Variants in KCNN2 observed in about 807,000 individuals in gnomAD.
KCNN2 encodes the protein potassium calcium-activated channel subfamily N member 2.
KCNN2 carries 24 observed loss-of-function variants against 55.5 expected under a neutral mutation model. The observed-to-expected ratio is 0.43, with a 90% confidence interval of 0.31 to 0.61. The LOEUF (loss-of-function observed/expected upper bound fraction) is 0.61. KCNN2 is among the 20% of genes least tolerant of loss of function. The pLI is 0.08. For missense variants in KCNN2, 754 were observed against 853.6 expected (o/e 0.88, Z 1.45); for synonymous variants, 431 against 336.1 (o/e 1.28, Z -3.09).
intron 2 of KCNN2, among the ~76,000 whole-genome samples, chr5:114,350,332 TAA>T (rs958246444): frequency 5.9e-5 from 9 of 151,730 alleles, no homozygotes; most frequent in African/African-American, 2.2e-4. Flanking sequence ...AATTGAGTTA[TAA>T]GAGTTCTTTA....
chr5:114,084,383 G>T (rs1750967938), intron 1 of KCNN2, among the ~76,000 whole-genome samples: 1 of 151,892 alleles, frequency 6.6e-6, no homozygotes, highest in African/African-American at 2.4e-5. Flanking sequence ...CATACGTTAT[G>T]GTATTTCACT....
chr5:114,218,556 A>C (rs1274798956), intron 1 of KCNN2, among the ~76,000 whole-genome samples: 2 of 152,214 alleles, frequency 1.3e-5, no homozygotes, highest in Non-Finnish European at 2.9e-5. Context: ...TGTAGACAGC[A>C]AAAAGGTCAG....
chr5:114,074,513 A>G (rs1750646311), intron 1 of KCNN2, among the ~76,000 whole-genome samples: 1 of 152,192 alleles, frequency 6.6e-6, no homozygotes. Flanking sequence ...ATCACTGCCA[A>G]TAGTGGACCT....
At chr5:114,241,708 A>ACG (rs1754625252) in intron 2 of KCNN2, among the ~76,000 whole-genome samples, 1 of 123,218 alleles carries the variant, frequency 8.1e-6, no homozygotes, top group Non-Finnish European at 1.7e-5. Context: ...ATATGTGGAT[A>ACG]TATATATATA....
chr5:114,084,386 A>G (rs1346468583), intron 1 of KCNN2, among the ~76,000 whole-genome samples: 1 of 151,996 alleles, frequency 6.6e-6, no homozygotes, highest in Non-Finnish European at 1.5e-5. Context: ...ACGTTATGGT[A>G]TTTCACTGTT....
intron 1 of KCNN2, among the ~76,000 whole-genome samples, chr5:114,164,697 G>A (rs186775102): frequency 5.9e-5 from 9 of 152,158 alleles, no homozygotes; most frequent in East Asian, 3.9e-4. Context: ...TTGCAAATGC[G>A]CATTTTGGAT....
At chr5:114,279,661 C>T (rs1252678056) in intron 2 of KCNN2, among the ~76,000 whole-genome samples, 1 of 152,118 alleles carries the variant, frequency 6.6e-6, no homozygotes, top group East Asian at 1.9e-4. Context: ...AGTATTGCAT[C>T]GTATATATGT....
intron 1 of KCNN2, among the ~76,000 whole-genome samples, chr5:114,183,412 T>G (rs1428892472): frequency 6.6e-6 from 1 of 152,114 alleles, no homozygotes; most frequent in African/African-American, 2.4e-5. Flanking sequence ...TATGAGAATA[T>G]GTGTAAGATT....
chr5:114,434,703 T>G (rs1188931374), intron 3 of KCNN2, among the ~76,000 whole-genome samples: 2 of 152,174 alleles, frequency 1.3e-5, no homozygotes, highest in Admixed American at 6.5e-5. Context: ...TAAGTACAGG[T>G]CCCTGGGCTG....
In KCNN2 at chr5:114,471,326, A is replaced by G. The variant is rs531120661; in HGVS notation, c.1780-1728A>G. Among the ~76,000 whole-genome samples, 273 of 20,130 alleles carry G rather than the reference A, an allele frequency of 0.014. No individual in the cohort carries two copies. The Non-Finnish European group carries it at 0.36, about 27-fold the overall frequency. 13.2% of individuals were successfully genotyped at this position (20,130 alleles called of 152,430 possible). A position where few individuals can be genotyped will look rare whatever the true frequency, so the allele number is the denominator to read the frequency against. ...GTACTTTAATCTCTAGATTACTTAT[A>G]ATACTTTTAATACAATATAAATGCT... On this transcript the variant is annotated intron_variant, in intron 4 of 7. Coordinates refer to ENST00000673685, the MANE Select transcript of KCNN2 (RefSeq NM_021614.4).
chr5:114,408,236 A>G (rs1000648050), intron 3 of KCNN2, among the ~76,000 whole-genome samples: 3 of 144,742 alleles, frequency 2.1e-5, no homozygotes, highest in African/African-American at 7.8e-5. Flanking sequence ...TCTGTCATTC[A>G]TTCTTGTTGT....
intron 2 of KCNN2, among the ~76,000 whole-genome samples, chr5:114,310,261 C>A (rs1756368861): frequency 6.6e-6 from 1 of 152,086 alleles, no homozygotes; most frequent in Non-Finnish European, 1.5e-5. Context: ...GAGATGGAGC[C>A]ACCATGATGC....
At chr5:114,160,740 T>C (rs568026393) in intron 1 of KCNN2, among the ~76,000 whole-genome samples, 1 of 152,352 alleles carries the variant, frequency 6.6e-6, no homozygotes, top group East Asian at 1.9e-4. Context: ...GCTGAATTGA[T>C]CCCTTTACCA....
intron 1 of KCNN2, among the ~76,000 whole-genome samples, chr5:114,126,375 GA>G (rs1751930350): frequency 6.6e-6 from 1 of 152,108 alleles, no homozygotes; most frequent in Non-Finnish European, 1.5e-5. Context: ...AGTCATGGCA[GA>G]AGGGGAAGCA....
At chr5:114,273,541 C>G (rs566069295) in intron 2 of KCNN2, among the ~76,000 whole-genome samples, 1 of 152,270 alleles carries the variant, frequency 6.6e-6, no homozygotes, top group South Asian at 2.1e-4. Context: ...TTAATGATTG[C>G]CATTCTAACT....
intron 2 of KCNN2, among the ~76,000 whole-genome samples, chr5:114,306,082 A>G (rs114040295): frequency 6.6e-4 from 100 of 152,312 alleles, no homozygotes; most frequent in African/African-American, 2.3e-3. Context: ...TATGACAGAG[A>G]GAAGTAGAGT....
chr5:114,134,116 C>T (rs1752122084), intron 1 of KCNN2, among the ~76,000 whole-genome samples: 1 of 151,950 alleles, frequency 6.6e-6, no homozygotes, highest in South Asian at 2.1e-4. Flanking sequence ...TTTTACCAGC[C>T]CCCACTTCCC....
chr5:114,368,665 A>G (rs888658139), intron 2 of KCNN2, among the ~76,000 whole-genome samples: 11 of 152,244 alleles, frequency 7.2e-5, no homozygotes. Flanking sequence ...ACCAATACAC[A>G]TAATAAAAAC....
At position 114,140,039 on chromosome 5, in the gene KCNN2, T is replaced by G. The variant is rs1030797717; in HGVS notation, c.-270-81441T>G. On this transcript the variant is annotated intron_variant, in intron 1 of 10. Coordinates refer to the KCNN2 transcript ENST00000512097. ...ACACTCTTCTCACCTACTGTTTTTG[T>G]TTTACAAGTCAATTATTTTTTATAT... Among the ~76,000 whole-genome samples, 9 of 152,296 alleles carry G rather than the reference T, an allele frequency of 5.9e-5. No homozygotes were observed. The South Asian group carries it at 1.7e-3, about 28-fold the overall frequency.
Sources: allele counts gnomAD v4.1 joint callset (sites outside exome capture counted in the v4.1 genomes callset), GRCh38; gene constraint gnomAD v4.1.1; transcripts MANE v1.5; gene names NCBI Gene and HGNC (gene_info 2026-07-23, HGNC 2026-07-21).